The following PSMA8 variants were observed in gnomAD, a reference collection of about 807,000 sequenced individuals.
The protein encoded by PSMA8 is proteasome subunit alpha-type 8.
In PSMA8, 18 loss-of-function variants were observed where a neutral mutation model predicts 32.4. That is an observed-to-expected ratio of 0.56 (90% CI 0.38 to 0.82). The LOEUF is 0.82. PSMA8 is among the 40% of genes least tolerant of loss of function. PSMA8 has a pLI of 0.00. For missense variants in PSMA8, 298 were observed against 300.7 expected (o/e 0.99, Z 0.07); for synonymous variants, 104 against 98.1 (o/e 1.06, Z -0.36).
intron 2 of PSMA8, among the ~76,000 whole-genome samples, chr18:26,148,559 C>CAT (rs567599177): frequency 3.3e-4 from 50 of 152,242 alleles, no homozygotes; most frequent in African/African-American, 1.0e-3. Flanking sequence ...CAGCTGACAT[C>CAT]ATACTCAGTG....
At chr18:26,145,167 G>T (rs1449612830) in intron 2 of PSMA8, among the ~76,000 whole-genome samples, 1 of 152,112 alleles carries the variant, frequency 6.6e-6, no homozygotes, top group Non-Finnish European at 1.5e-5. Flanking sequence ...TGCCCAGGCT[G>T]GAGTGCAATG....
At chr18:26,166,966 C>A (rs1428499890) in intron 4 of PSMA8, among the ~76,000 whole-genome samples, 1 of 152,158 alleles carries the variant, frequency 6.6e-6, no homozygotes, top group East Asian at 1.9e-4. Context: ...AGAAGATCTG[C>A]ATAATTCAGT....
At position 26,140,504 on chromosome 18, in the gene PSMA8, C is replaced by T. The variant is rs1003364451; in HGVS notation, c.103-4055C>T. On this transcript the variant is annotated intron_variant, in intron 1 of 6. Coordinates refer to ENST00000415576, the MANE Select transcript of PSMA8 (RefSeq NM_001025096.2). ...TTCGTATTTCTGTGCTTTGGTCTCTCACCTGGATTCTTTTCTTAGGAAGTA... is the reference window on the plus strand; with the variant it reads ...TTCGTATTTCTGTGCTTTGGTCTCTTACCTGGATTCTTTTCTTAGGAAGTA... Among the ~76,000 whole-genome samples, 6 of 152,212 alleles carry T rather than the reference C, an allele frequency of 3.9e-5. 1 individual carries two copies. The highest frequency in any genetic ancestry group is 3.3e-4 in the Admixed American group (5 of 15,278).
At chr18:26,164,641 A>C (rs920299934) in intron 4 of PSMA8, among the ~76,000 whole-genome samples, 1 of 152,222 alleles carries the variant, frequency 6.6e-6, no homozygotes, top group African/African-American at 2.4e-5. Flanking sequence ...ATGAAAAACA[A>C]AATAAAGGCA....
intron 1 of PSMA8, among the ~76,000 whole-genome samples, chr18:26,139,348 A>T (rs905430838): frequency 1.3e-5 from 2 of 152,140 alleles, no homozygotes; most frequent in African/African-American, 4.8e-5. Flanking sequence ...TCTTGCCAAC[A>T]ACAATGCGAG....
chr18:26,147,390 C>G (rs2055012724), intron 2 of PSMA8, among the ~76,000 whole-genome samples: 1 of 151,632 alleles, frequency 6.6e-6, no homozygotes, highest in Admixed American at 6.6e-5. Context: ...GGGAAATGAA[C>G]AGATATCTTG....
chr18:26,192,337 G>T lies in PSMA8; in HGVS notation c.679G>T (p.Val227Phe). 1 of 1,513,120 alleles carries T rather than the reference G, an allele frequency of 6.6e-7. No individual in the cohort carries two copies. The highest frequency in any genetic ancestry group is 8.8e-7 in the Non-Finnish European group (1 of 1,142,780). The allele number at this position is 1,513,120 out of a possible 1,614,324, so 93.7% of individuals were successfully genotyped here. The change falls in exon 7 of 7, where the codon GTT (valine) becomes TTT (phenylalanine). Residue 227 changes from valine to phenylalanine, a missense_variant. Val to Phe is a conservative substitution (Grantham distance 50). Transcript: ENST00000415576. ...QPLKMFSAKE[V>F]ELYVTEIEKE... Reference sequence around the variant, plus strand: ...TTTTCAGATGTTTAGTGCAAAAGAAGTTGAATTATATGTAACTGAAATAGA... The same window carrying T: ...TTTTCAGATGTTTAGTGCAAAAGAATTTGAATTATATGTAACTGAAATAGA...
chr18:26,134,143 C>G, intron 1 of PSMA8, 76 bp downstream of exon 1: 1 of 1,034,968 alleles, frequency 9.7e-7, no homozygotes, highest in Non-Finnish European at 1.5e-6. Context: ...CCCCAGCCCA[C>G]CTTTCCATCC....
chr18:26,183,220 T>C (rs1366538111), intron 6 of PSMA8, among the ~76,000 whole-genome samples: 3 of 148,324 alleles, frequency 2.0e-5, no homozygotes, highest in Non-Finnish European at 3.0e-5. Context: ...GGTGAAACCC[T>C]GTCTCTACTG....
intron 4 of PSMA8, among the ~76,000 whole-genome samples, chr18:26,178,385 G>T (rs1410759473): frequency 6.6e-6 from 1 of 152,136 alleles, no homozygotes; most frequent in Non-Finnish European, 1.5e-5. Context: ...TGAGACAGGA[G>T]GCTCACTTGA....
chr18:26,176,088 C>G (rs1187656212), intron 4 of PSMA8, among the ~76,000 whole-genome samples: 1 of 151,532 alleles, frequency 6.6e-6, no homozygotes, highest in Non-Finnish European at 1.5e-5. Context: ...CATTGCAAAA[C>G]TACCAGTCAT....
chr18:26,158,587 A>G (rs990237692), intron 4 of PSMA8, among the ~76,000 whole-genome samples: 12 of 152,240 alleles, frequency 7.9e-5, no homozygotes, highest in Non-Finnish European at 1.5e-4. Context: ...TTAACAAAGA[A>G]TTAGATGGAC....
chr18:26,185,911 A>T (rs2055348920), intron 6 of PSMA8, among the ~76,000 whole-genome samples: 1 of 150,348 alleles, frequency 6.7e-6, no homozygotes, highest in Middle Eastern at 3.2e-3. Flanking sequence ...AATTTTGATA[A>T]ATCTTTGTGT....
At chr18:26,177,578 A>C (rs1432200340) in intron 4 of PSMA8, among the ~76,000 whole-genome samples, 1 of 152,222 alleles carries the variant, frequency 6.6e-6, no homozygotes, top group East Asian at 1.9e-4. Flanking sequence ...CTGGATATTT[A>C]GGCTGAATTA....
At chr18:26,137,136 G>C (rs1484246476) in intron 1 of PSMA8, among the ~76,000 whole-genome samples, 1 of 152,162 alleles carries the variant, frequency 6.6e-6, no homozygotes, top group East Asian at 1.9e-4. Flanking sequence ...CTAAGCTTCA[G>C]TTTCTGTAAT....
In PSMA8 at chr18:26,134,009, A is replaced by G; in HGVS notation, c.44A>G (p.Asp15Gly). Residue 15 changes from aspartate (D) to glycine (G), a missense_variant, in exon 1 of 7, where the codon GAC becomes GGC. Transcript: ENST00000415576. Reference sequence around the variant, plus strand: ...AGGGCGATCACTGTCTTCTCCCCAGACGGACACCTTTTTCAAGTTGAATAT... The same window carrying G: ...AGGGCGATCACTGTCTTCTCCCCAGGCGGACACCTTTTTCAAGTTGAATAT... ...YDRAITVFSP[D>G]GHLFQVEYAQ... 1.2e-6 allele frequency: 2 copies of G among 1,614,078 alleles called. No homozygotes were observed. The highest frequency in any genetic ancestry group is 1.7e-6 in the Non-Finnish European group (2 of 1,179,990).
chr18:26,152,719 A>C (rs1349345101), intron 3 of PSMA8, among the ~76,000 whole-genome samples: 1 of 152,188 alleles, frequency 6.6e-6, no homozygotes, highest in Non-Finnish European at 1.5e-5. Context: ...CAGTGTTGAG[A>C]GGTGGGGACT....
chr18:26,179,586 T>C (rs145628500), intron 6 of PSMA8, among the ~76,000 whole-genome samples: 11 of 152,322 alleles, frequency 7.2e-5, no homozygotes, highest in African/African-American at 2.4e-4. Context: ...TCAGCCGTTA[T>C]GGGTTAAAAC....
intron 4 of PSMA8, among the ~76,000 whole-genome samples, chr18:26,166,848 T>C (rs1241660500): frequency 1.3e-5 from 2 of 152,192 alleles, no homozygotes; most frequent in Non-Finnish European, 2.9e-5. Context: ...AAGCAAAAAT[T>C]ATAATTTTGG....
Sources: allele counts gnomAD v4.1 joint callset (sites outside exome capture counted in the v4.1 genomes callset), GRCh38; gene constraint gnomAD v4.1.1; transcripts MANE v1.5; gene names NCBI Gene and HGNC (gene_info 2026-07-23, HGNC 2026-07-21).